The following GRK7 variants were observed in gnomAD, a reference collection of about 807,000 sequenced individuals.
GRK7 encodes G protein-coupled receptor kinase 7, also known as rhodopsin kinase GRK7.
In GRK7, 24 loss-of-function variants were observed where a neutral mutation model predicts 34.1. The ratio of observed to expected loss-of-function variants is 0.70; its 90% CI spans 0.51 to 0.99. GRK7 has a LOEUF of 0.99. Ranked by LOEUF, GRK7 falls within the 50% of genes least tolerant of loss-of-function variation. GRK7 has a pLI of 0.00. For missense variants in GRK7, 644 were observed against 707.3 expected, an observed-to-expected ratio of 0.91 and a Z score of 1.02; for synonymous variants, 256 against 279.4, an observed-to-expected ratio of 0.92 and a Z score of 0.84.
intron 2 of GRK7, among the ~76,000 whole-genome samples, chr3:141,776,142 C>T (rs942910183): frequency 2.0e-5 from 3 of 151,970 alleles, no homozygotes; most frequent in African/African-American, 7.2e-5. Flanking sequence ...AAAAAATTAG[C>T]CGGGCGCGGT....
intron 4 of GRK7, among the ~76,000 whole-genome samples, chr3:141,803,936 C>A (rs1267253379): frequency 6.6e-6 from 1 of 152,080 alleles, no homozygotes; most frequent in African/African-American, 2.4e-5. Flanking sequence ...GGTCTCAACT[C>A]CTGATCTCAT....
chr3:141,809,572 C>A (rs1711072180), intron 5 of GRK7, among the ~76,000 whole-genome samples: 2 of 151,860 alleles, frequency 1.3e-5, no homozygotes, highest in African/African-American at 2.4e-5. Context: ...GAAGTGCATG[C>A]CTGTAGTCCC....
chr3:141,773,838 T>C (rs928781944), intron 1 of GRK7, among the ~76,000 whole-genome samples: 4 of 152,232 alleles, frequency 2.6e-5, no homozygotes, highest in East Asian at 1.9e-4. Flanking sequence ...ATGATGAAAC[T>C]AAGGCTCAGA....
Position 141,804,791 on chromosome 3 carries a change from G to A in GRK7, c.1051-2854G>A, listed in dbSNP as rs944776993. On this transcript the variant is annotated intron_variant, in intron 4 of 5. Transcript: ENST00000682958. Reference sequence around the variant, plus strand: ...CACATACACACATGCTCACATACACGCACACATACACACATGCACATACAA... The same window carrying A: ...CACATACACACATGCTCACATACACACACACATACACACATGCACATACAA... Among the ~76,000 whole-genome samples, 16 of 140,766 alleles carry A rather than the reference G, an allele frequency of 1.1e-4. No individual in the cohort carries two copies. In the East Asian group the frequency reaches 2.6e-3, roughly 23 times the overall value. The allele number at this position is 140,766 out of a possible 152,430, so 92.3% of individuals were successfully genotyped here.
At chr3:141,762,520 C>T (rs1342011797), upstream of GRK7, among the ~76,000 whole-genome samples, 1 of 146,418 alleles carries the variant, frequency 6.8e-6, no homozygotes, top group African/African-American at 2.7e-5. Flanking sequence ...CTCTTCAAAG[C>T]TGTCAGACAG....
Position 141,778,386 on chromosome 3 carries a change from G to T in GRK7, c.102G>T (p.Arg34=). The T allele has an allele frequency of 6.2e-7, 1 of 1,611,990 alleles. No homozygotes were observed. Among genetic ancestry groups the T allele is most frequent in the Non-Finnish European group, 8.5e-7 (1 of 1,179,234 alleles). Reference sequence around the variant, plus strand: ...ACAGCAAAGAGCTGCAGCGGCGGCGGCGTAGCCTGGCCCTGCCCGGGCTGC... The same window carrying T: ...ACAGCAAAGAGCTGCAGCGGCGGCGTCGTAGCCTGGCCCTGCCCGGGCTGC... ...DCDSKELQRR[R]RSLALPGLQG... Residue 34 remains arginine (R), a synonymous_variant, in exon 3 of 6, where the codon CGG becomes CGT. Coordinates refer to ENST00000682958, the MANE Select transcript of GRK7 (RefSeq NM_139209.3). This position sits in a 1 kb window ranked among gnomAD's most constrained non-coding sequence, Gnocchi z 4.1.
At chr3:141,795,913 A>T (rs1327755045) in intron 4 of GRK7, among the ~76,000 whole-genome samples, 1 of 152,052 alleles carries the variant, frequency 6.6e-6, no homozygotes, top group Non-Finnish European at 1.5e-5. Context: ...GAATAAGGAG[A>T]GGCTGGGCCA....
At chr3:141,793,801 G>A (rs973596564) in intron 4 of GRK7, among the ~76,000 whole-genome samples, 1 of 152,216 alleles carries the variant, frequency 6.6e-6, no homozygotes, top group Non-Finnish European at 1.5e-5. Flanking sequence ...GGCTCACTGT[G>A]AAATAAAAAT....
chr3:141,782,750 A>G (rs1273464109), intron 4 of GRK7, among the ~76,000 whole-genome samples: 2 of 151,766 alleles, frequency 1.3e-5, no homozygotes, highest in Admixed American at 6.6e-5. Context: ...GCTTGCAGTG[A>G]GCTGAGATCA....
At position 141,769,984 on chromosome 3, in the gene GRK7, G is replaced by A. The variant is rs533192347; in HGVS notation, c.-215+4246G>A. On this transcript the variant is annotated intron_variant, in intron 1 of 5. Coordinates refer to ENST00000682958, the MANE Select transcript of GRK7 (RefSeq NM_139209.3). ...GGCTGGAGTGCAGTGGCGCAATCTC[G>A]GCCCACTGCAACCTCTGCCTCCTGG... is the stretch of plus-strand genomic sequence containing the variant. Among the ~76,000 whole-genome samples the A allele has an allele frequency of 1.6e-3, 244 of 152,218 alleles. 2 individuals are homozygous for A. The highest frequency in any genetic ancestry group is 5.3e-3 in the African/African-American group (219 of 41,542).
chr3:141,770,535 C>T (rs1442409736), intron 1 of GRK7, among the ~76,000 whole-genome samples: 1 of 151,502 alleles, frequency 6.6e-6, no homozygotes, highest in Non-Finnish European at 1.5e-5. Context: ...GCTATACTTT[C>T]CAGTAGAGGG....
Position 141,778,509 on chromosome 3 carries a change from C to A in GRK7, c.225C>A (p.Ala75=), listed in dbSNP as rs2084653340. ...GCCGCCTCTTCCGTGACTTCCTAGCCACAGTGCCCACGTTCCGCAAGGCGG... is the reference window on the plus strand; with the variant it reads ...GCCGCCTCTTCCGTGACTTCCTAGCAACAGTGCCCACGTTCCGCAAGGCGG... ...IGRRLFRDFL[A]TVPTFRKAAT... is the part of the protein sequence containing the mutation. Residue 75 remains alanine, a synonymous_variant, in exon 3 of 6, where the codon GCC becomes GCA. Coordinates refer to ENST00000682958, the MANE Select transcript of GRK7 (RefSeq NM_139209.3). This position sits in a 1 kb window ranked among gnomAD's most constrained non-coding sequence, Gnocchi z 4.1. The A allele has an allele frequency of 6.2e-7, 1 of 1,613,278 alleles. No individual in the cohort carries two copies. The highest frequency in any genetic ancestry group is 1.7e-5 in the Admixed American group (1 of 60,012).
intron 1 of GRK7, among the ~76,000 whole-genome samples, chr3:141,773,898 AG>A (rs150831373): frequency 0.029 from 4,397 of 152,292 alleles, 73 homozygotes; most frequent in African/African-American, 0.046. Flanking sequence ...TGCTAAAGCC[AG>A]GATTCAGATT....
At chr3:141,808,946 C>T (rs1365940525) in intron 5 of GRK7, among the ~76,000 whole-genome samples, 3 of 151,848 alleles carry the variant, frequency 2.0e-5, no homozygotes, top group Middle Eastern at 3.4e-3. Context: ...TGGTGGTTCA[C>T]GCCAGCACTT....
intron 2 of GRK7, among the ~76,000 whole-genome samples, chr3:141,776,472 C>T (rs1364443319): frequency 1.3e-5 from 2 of 152,190 alleles, no homozygotes; most frequent in East Asian, 1.9e-4. Flanking sequence ...CAATGTGGAC[C>T]GGGGTAACAT....
chr3:141,791,215 G>T lies in GRK7; in HGVS notation c.1050+10404G>T, dbSNP rs76397031. 2.6e-5 allele frequency among the ~76,000 whole-genome samples: 4 copies of T among 152,232 alleles called. No homozygotes were observed. In the East Asian group the frequency reaches 7.7e-4, roughly 29 times the overall value. ...AGGGATAATGGGAGACAGAGGTTTG[G>T]TATTATATTTATTTCGAAGCATCTA... is the stretch of plus-strand genomic sequence containing the variant. On this transcript the variant is annotated intron_variant, in intron 4 of 5. Coordinates refer to ENST00000682958, the MANE Select transcript of GRK7 (RefSeq NM_139209.3).
At position 141,816,644 on chromosome 3, in the gene GRK7, G is replaced by A. The variant is rs1004784581; in HGVS notation, c.1326-70G>A. The A allele has an allele frequency of 1.3e-4, 104 of 817,776 alleles. 1 individual carries two copies. The highest frequency in any genetic ancestry group is 1.9e-4 in the Non-Finnish European group (97 of 517,452). 50.7% of individuals were successfully genotyped at this position (817,776 alleles called of 1,614,324 possible). A position where few individuals can be genotyped will look rare whatever the true frequency, so the allele number is the denominator to read the frequency against. ...GTAAGAAAAGAATGCTACACACTTT[G>A]TATTGTTAGAACATGTCCCATTTTG... is the stretch of plus-strand genomic sequence containing the variant. On this transcript the variant is annotated intron_variant, in intron 5 of 5. Coordinates refer to ENST00000682958, the MANE Select transcript of GRK7 (RefSeq NM_139209.3).
chr3:141,783,429 A>G (rs968707247), intron 4 of GRK7, among the ~76,000 whole-genome samples: 3 of 152,222 alleles, frequency 2.0e-5, no homozygotes, highest in African/African-American at 7.2e-5. Context: ...GGTTCTAGTT[A>G]GTAAGGATGA....
chr3:141,786,525 C>G (rs996373941), intron 4 of GRK7, among the ~76,000 whole-genome samples: 1 of 152,098 alleles, frequency 6.6e-6, no homozygotes, highest in Non-Finnish European at 1.5e-5. Flanking sequence ...CGCCTGTAAT[C>G]CTAGCACTTT....
Sources: allele counts gnomAD v4.1 joint callset (sites outside exome capture counted in the v4.1 genomes callset), GRCh38; gene constraint gnomAD v4.1.1; non-coding constraint Gnocchi (gnomAD v3.1); transcripts MANE v1.5; gene names NCBI Gene and HGNC (gene_info 2026-07-23, HGNC 2026-07-21).